NCAM2: variants seen among roughly 807,000 people sequenced by gnomAD.
NCAM2 encodes the protein neural cell adhesion molecule 2.
In NCAM2, 30 loss-of-function variants were observed where a neutral mutation model predicts 98.1. That is an observed-to-expected ratio of 0.31 (90% confidence interval 0.23 to 0.41). The LOEUF (loss-of-function observed/expected upper bound fraction) is 0.41. Among genes scored for constraint, NCAM2 ranks in the 10% least tolerant of loss-of-function variants. The pLI is 1.00. For missense variants in NCAM2, 867 were observed against 1,005.8 expected (o/e 0.86, Z 1.87); for synonymous variants, 368 against 342.4 (o/e 1.07, Z -0.83).
chr21:21,297,598 A>G (rs1303892805), intron 5 of NCAM2, among the ~76,000 whole-genome samples: 1 of 151,764 alleles, frequency 6.6e-6, no homozygotes, highest in East Asian at 1.9e-4. Context: ...ATACATATAC[A>G]CAAACATGCC....
Position 21,320,177 on chromosome 21 carries a change from C to T in NCAM2, c.620-4206C>T, listed in dbSNP as rs143321129. On this transcript the variant is annotated intron_variant, in intron 5 of 17. Transcript: ENST00000400546. ...TGGAAAATGCCCAAAATTTGCTATTCGTCAAATATGCATAGAAATGCTCTA... is the reference window on the plus strand; with the variant it reads ...TGGAAAATGCCCAAAATTTGCTATTTGTCAAATATGCATAGAAATGCTCTA... Among the ~76,000 whole-genome samples, 251 of 152,160 alleles carry T rather than the reference C, an allele frequency of 1.6e-3. 2 individuals are homozygous for T. Among genetic ancestry groups the T allele is most frequent in the African/African-American group, 5.6e-3 (233 of 41,498 alleles).
intron 17 of NCAM2, 26 bp downstream of exon 17, chr21:21,534,682 T>C (rs1802718090): frequency 2.6e-6 from 4 of 1,534,924 alleles, no homozygotes; most frequent in African/African-American, 1.4e-5. Flanking sequence ...TGCTCACTTA[T>C]GTTCAAATGG....
intron 1 of NCAM2, among the ~76,000 whole-genome samples, chr21:21,236,495 T>C (rs1029575044): frequency 2.6e-5 from 4 of 152,126 alleles, no homozygotes; most frequent in African/African-American, 9.6e-5. Flanking sequence ...TTTGTGCAGT[T>C]AGTGGTCTGC....
chr21:21,453,115 A>G (rs1241437576), intron 12 of NCAM2, among the ~76,000 whole-genome samples: 2 of 118,904 alleles, frequency 1.7e-5, no homozygotes, highest in Non-Finnish European at 3.4e-5. Context: ...TATATTATAT[A>G]TAATAACAAA....
At chr21:21,277,947 G>A (rs2072787871) in intron 1 of NCAM2, among the ~76,000 whole-genome samples, 1 of 152,090 alleles carries the variant, frequency 6.6e-6, no homozygotes, top group South Asian at 2.1e-4. Flanking sequence ...GACTAAAAAT[G>A]GGACAGTGAA....
intron 1 of NCAM2, among the ~76,000 whole-genome samples, chr21:21,192,808 A>G (rs1216490941): frequency 6.6e-6 from 1 of 152,202 alleles, no homozygotes; most frequent in Non-Finnish European, 1.5e-5. Context: ...AGTTGAGGTC[A>G]GCCATTCAGA....
At chr21:21,495,302 G>A (rs376971571) in intron 15 of NCAM2, among the ~76,000 whole-genome samples, 44 of 151,662 alleles carry the variant, frequency 2.9e-4, no homozygotes, top group African/African-American at 1.0e-3. Flanking sequence ...CATATATAAG[G>A]GGCTGAGTCT....
intron 1 of NCAM2, chr21:21,146,995 T>C: frequency 1.4e-6 from 1 of 722,862 alleles, no homozygotes; most frequent in Non-Finnish European, 1.7e-6. Flanking sequence ...TGCCTTCTAC[T>C]CCAGCACCAG....
chr21:21,358,451 T>A (rs1352838806), intron 8 of NCAM2, among the ~76,000 whole-genome samples: 2 of 90,906 alleles, frequency 2.2e-5, no homozygotes, highest in Non-Finnish European at 5.6e-5. Context: ...GAAATTACTT[T>A]ATTTATTCTA....
intron 15 of NCAM2, among the ~76,000 whole-genome samples, chr21:21,480,628 GTAAAACATC>G (rs2146275761): frequency 6.6e-6 from 1 of 152,260 alleles, no homozygotes; most frequent in South Asian, 2.1e-4. Context: ...AAACGTAATT[GTAAAACATC>G]TTCCAAAAGA....
chr21:21,299,259 A>G (rs1247063453), intron 5 of NCAM2, among the ~76,000 whole-genome samples: 2 of 150,634 alleles, frequency 1.3e-5, no homozygotes, highest in African/African-American at 2.4e-5. Flanking sequence ...TTTTATTCAC[A>G]CTGAAATTCA....
At position 21,311,785 on chromosome 21, in the gene NCAM2, A is replaced by G. The variant is rs879944189; in HGVS notation, c.620-12598A>G. Reference sequence around the variant, plus strand: ...TTTGGAGCTGTTGTACATTTTTTTAAAAAAAATTTTGGTTTCCAAATGTTT... The same window carrying G: ...TTTGGAGCTGTTGTACATTTTTTTAGAAAAAATTTTGGTTTCCAAATGTTT... On this transcript the variant is annotated intron_variant, in intron 5 of 17. Coordinates refer to ENST00000400546, the MANE Select transcript of NCAM2 (RefSeq NM_004540.5). 8.1e-4 allele frequency among the ~76,000 whole-genome samples: 9 copies of G among 11,164 alleles called. No homozygotes were observed. The Admixed American group carries it at 0.011, about 13-fold the overall frequency. 7.3% of individuals were successfully genotyped at this position (11,164 alleles called of 152,430 possible).
chr21:21,153,756 C>T (rs2067521191), intron 1 of NCAM2, among the ~76,000 whole-genome samples: 1 of 151,686 alleles, frequency 6.6e-6, no homozygotes, highest in South Asian at 2.1e-4. Flanking sequence ...AATGATGGAG[C>T]TATGATGGAA....
chr21:21,137,165 G>C (rs536464579), intron 1 of NCAM2, among the ~76,000 whole-genome samples: 3 of 152,066 alleles, frequency 2.0e-5, no homozygotes, highest in African/African-American at 7.2e-5. Context: ...AAGTTTGTTT[G>C]AACATATTAT....
intron 5 of NCAM2, among the ~76,000 whole-genome samples, chr21:21,296,965 T>C (rs73320648): frequency 0.013 from 1,981 of 151,810 alleles, 42 homozygotes; most frequent in African/African-American, 0.046. Context: ...TTCTCTGTGT[T>C]AAATTCAGAT....
chr21:21,379,633 T>G (rs566917042), intron 9 of NCAM2, among the ~76,000 whole-genome samples: 9 of 152,132 alleles, frequency 5.9e-5, no homozygotes, highest in Non-Finnish European at 1.3e-4. Flanking sequence ...TTTTTTATTT[T>G]TATATGTATA....
In NCAM2 at chr21:21,063,577, T is replaced by A. The variant is rs554168707; in HGVS notation, c.55+64959T>A. Among the ~76,000 whole-genome samples, 213 of 148,892 alleles carry A rather than the reference T, an allele frequency of 1.4e-3. 1 individual carries two copies. The highest frequency in any genetic ancestry group is 4.9e-3 in the African/African-American group (199 of 40,268). On this transcript the variant is annotated intron_variant, in intron 1 of 17. Transcript: ENST00000400546. ...TAATGGGGAAGATTAAAAATGAATA[T>A]AGAAAGTGTCAAAAAAAAATAAATT...
rs1461955036 is a variant in NCAM2 at position 21,508,898 on chromosome 21, G to C, written c.2125G>C (p.Val709Leu). ...LGLGAVIGLG[V>L]AALLLILVVT... ...GCTTGGAGCAGTAATTGGCCTGGGA[G>C]TTGCTGCACTGCTGCTAATTCTTGT... is the stretch of plus-strand genomic sequence containing the variant. Residue 709 changes from valine to leucine, a missense_variant, in exon 16 of 18, where the codon GTT becomes CTT. By Grantham distance (32) the Val-to-Leu change is conservative. This residue lies in a region of NCAM2 where 234 missense variants were observed against 333.8 expected (regional missense o/e 0.70). Coordinates refer to ENST00000400546, the MANE Select transcript of NCAM2 (RefSeq NM_004540.5). The C allele has an allele frequency of 6.5e-7, 1 of 1,544,032 alleles. No homozygotes were observed. The highest frequency in any genetic ancestry group is 1.1e-5 in the South Asian group (1 of 90,326).
At chr21:21,518,672 G>A (rs183756758) in intron 16 of NCAM2, among the ~76,000 whole-genome samples, 23 of 151,584 alleles carry the variant, frequency 1.5e-4, no homozygotes, top group Middle Eastern at 3.5e-3. Flanking sequence ...TAAAGGTATA[G>A]ATAGAGATAT....
Sources: allele counts gnomAD v4.1 joint callset (sites outside exome capture counted in the v4.1 genomes callset), GRCh38; gene constraint gnomAD v4.1.1; regional missense constraint gnomAD v4.1.1; transcripts MANE v1.5; gene names NCBI Gene and HGNC (gene_info 2026-07-23, HGNC 2026-07-21).